NEDD4L: variants seen among roughly 807,000 people sequenced by gnomAD.
The protein encoded by NEDD4L is E3 ubiquitin-protein ligase NEDD4-like.
Under a neutral mutation model 148.9 loss-of-function variants are expected in NEDD4L, and 54 were observed. That is an observed-to-expected ratio of 0.36 (90% CI 0.29 to 0.45). The LOEUF is 0.45. NEDD4L is among the 20% of genes least tolerant of loss of function. The probability of loss-of-function intolerance (pLI) is 1.00; values close to 1 mark genes in which losing one functional copy is unlikely to be tolerated. For missense variants in NEDD4L, 856 were observed against 1,233.8 expected, an observed-to-expected ratio of 0.69 and a Z score of 4.59; for synonymous variants, 433 against 440.7, an observed-to-expected ratio of 0.98 and a Z score of 0.22.
chr18:58,261,228 A>G (rs919824364), intron 5 of NEDD4L, among the ~76,000 whole-genome samples: 3 of 152,200 alleles, frequency 2.0e-5, no homozygotes, highest in Non-Finnish European at 4.4e-5. Context: ...TGCTTCCTGA[A>G]CTATGCATTA....
chr18:58,104,109 C>T (rs112659437), intron 1 of NEDD4L, among the ~76,000 whole-genome samples: 2 of 152,172 alleles, frequency 1.3e-5, no homozygotes, highest in Non-Finnish European at 2.9e-5. Context: ...TGTGATATAT[C>T]CACGCACTGG....
chr18:58,377,365 C>A (rs1407672979), intron 24 of NEDD4L, among the ~76,000 whole-genome samples: 4 of 152,216 alleles, frequency 2.6e-5, no homozygotes, highest in African/African-American at 9.7e-5. Flanking sequence ...AACAGACATG[C>A]AGTCAGCCTT....
intron 2 of NEDD4L, among the ~76,000 whole-genome samples, chr18:58,172,387 G>T (rs1452863726): frequency 6.6e-6 from 1 of 152,210 alleles, no homozygotes; most frequent in Non-Finnish European, 1.5e-5. Flanking sequence ...AGTTAGGGTA[G>T]GTGAGTCGTG....
intron 1 of NEDD4L, among the ~76,000 whole-genome samples, chr18:58,135,400 A>G (rs567539043): frequency 5.3e-5 from 8 of 152,282 alleles, no homozygotes; most frequent in Admixed American, 1.3e-4. Context: ...TCTGTGGTCA[A>G]TGTGTGTGCA....
intron 1 of NEDD4L, among the ~76,000 whole-genome samples, chr18:58,094,807 G>C (rs1223454598): frequency 1.9e-4 from 29 of 151,974 alleles, no homozygotes; most frequent in Non-Finnish European, 2.9e-5. Context: ...GCAGTTGAAG[G>C]TATGGGCTAG....
intron 1 of NEDD4L, among the ~76,000 whole-genome samples, chr18:58,124,822 C>T (rs1199717522): frequency 2.6e-5 from 4 of 152,204 alleles, no homozygotes; most frequent in African/African-American, 7.2e-5. Context: ...TGCCTGACAC[C>T]ATTCTAAGCA....
intron 26 of NEDD4L, among the ~76,000 whole-genome samples, chr18:58,385,870 C>T (rs1259321421): frequency 6.6e-6 from 1 of 151,954 alleles, no homozygotes; most frequent in Non-Finnish European, 1.5e-5. Flanking sequence ...GTTTTACAGA[C>T]TTGATCTAGA....
chr18:58,248,490 G>A (rs1015925802), intron 3 of NEDD4L, among the ~76,000 whole-genome samples: 3 of 151,964 alleles, frequency 2.0e-5, no homozygotes, highest in Non-Finnish European at 4.4e-5. Flanking sequence ...TATAAACAAT[G>A]AACACATTCA....
intron 16 of NEDD4L, 107 bp from the exon 17 acceptor site, chr18:58,349,429 TG>T: frequency 1.2e-6 from 1 of 815,700 alleles, no homozygotes; most frequent in Non-Finnish European, 2.1e-6. Flanking sequence ...GCTCCAGGCA[TG>T]GACAGCCTGG....
chr18:58,388,531 T>C (rs1277838698), intron 27 of NEDD4L: 6 of 152,352 alleles, frequency 3.9e-5, no homozygotes, highest in African/African-American at 1.4e-4. Context: ...GAGAGTTGCA[T>C]AATAGGAACG....
chr18:58,383,578 G>A (rs1325000426), intron 25 of NEDD4L, among the ~76,000 whole-genome samples: 2 of 152,272 alleles, frequency 1.3e-5, no homozygotes, highest in Middle Eastern at 3.4e-3. Flanking sequence ...TGAGTAATAC[G>A]GCAAATACTC....
intron 1 of NEDD4L, 56 bp from the exon 2 acceptor site, chr18:58,165,732 G>C (rs1359519312): frequency 3.9e-6 from 6 of 1,529,702 alleles, no homozygotes; most frequent in African/African-American, 1.4e-5. Flanking sequence ...TTGGATGAGA[G>C]AGTGATTGAT....
At chr18:58,274,150 T>C in intron 5 of NEDD4L, among the ~76,000 whole-genome samples, 1 of 152,240 alleles carries the variant, frequency 6.6e-6, no homozygotes, top group South Asian at 2.1e-4. Context: ...CATCTCCAAG[T>C]GTCAGGCAGG....
chr18:58,133,296 T>TC (rs1306474533), intron 1 of NEDD4L, among the ~76,000 whole-genome samples: 15 of 152,350 alleles, frequency 9.8e-5, no homozygotes, highest in South Asian at 2.1e-4. Context: ...ATGCCAACTG[T>TC]TTCCACTGCT....
At chr18:58,126,323 AC>A (rs745407030) in intron 1 of NEDD4L, among the ~76,000 whole-genome samples, 2 of 151,934 alleles carry the variant, frequency 1.3e-5, no homozygotes, top group Non-Finnish European at 2.9e-5. Context: ...CCCCTGGAGA[AC>A]CCTATCTTTC....
At chr18:58,097,128 G>A (rs897617940) in intron 1 of NEDD4L, among the ~76,000 whole-genome samples, 1 of 152,160 alleles carries the variant, frequency 6.6e-6, no homozygotes, top group Non-Finnish European at 1.5e-5. Context: ...GTGAATGCAC[G>A]AAGATTGTTT....
At chr18:58,050,503 G>A (rs912498331) in intron 1 of NEDD4L, among the ~76,000 whole-genome samples, 8 of 150,836 alleles carry the variant, frequency 5.3e-5, no homozygotes, top group African/African-American at 1.7e-4. Flanking sequence ...GCTCATGCCC[G>A]TAATCCCAGC....
intron 24 of NEDD4L, among the ~76,000 whole-genome samples, chr18:58,381,381 G>A (rs943710738): frequency 6.6e-6 from 1 of 152,138 alleles, no homozygotes. Flanking sequence ...GTCTGTGGCC[G>A]ACCCGCTCAT....
At chr18:58,179,925 C>T (rs911923106) in intron 2 of NEDD4L, among the ~76,000 whole-genome samples, 2 of 152,200 alleles carry the variant, frequency 1.3e-5, no homozygotes, top group Middle Eastern at 3.2e-3. Context: ...CCTCCAACCC[C>T]CAAACCAGCC....
Sources: gnomAD v4.1 joint callset for allele counts (sites outside exome capture counted in the v4.1 genomes callset) on GRCh38, gnomAD v4.1.1 for gene constraint, MANE v1.5 for transcripts, NCBI Gene and HGNC (gene_info 2026-07-23, HGNC 2026-07-21) for gene names.